Variants in STXBP5L observed in about 807,000 individuals in gnomAD.
The protein encoded by STXBP5L is syntaxin-binding protein 5-like.
Under a neutral mutation model 144.5 loss-of-function variants are expected in STXBP5L, and 65 were observed. That is an observed-to-expected ratio of 0.45 (90% CI 0.37 to 0.55). The LOEUF is 0.55. STXBP5L is among the 20% of genes least tolerant of loss of function. STXBP5L has a pLI of 0.00. For synonymous variants in STXBP5L, 505 were observed against 469.6 expected, an observed-to-expected ratio of 1.08 and a Z score of -0.97; for missense variants, 1,298 against 1,405.5, an observed-to-expected ratio of 0.92 and a Z score of 1.22.
intron 3 of STXBP5L, among the ~76,000 whole-genome samples, chr3:120,979,255 G>T (rs1941471080): frequency 6.6e-6 from 1 of 152,206 alleles, no homozygotes; most frequent in South Asian, 2.1e-4. Context: ...GCAATGGCAG[G>T]TGCCCCTCCC....
chr3:121,413,183 G>C lies in STXBP5L; in HGVS notation c.2974G>C (p.Asp992His). 1 of 1,601,164 alleles carries C rather than the reference G, an allele frequency of 6.2e-7. No individual in the cohort carries two copies. The highest frequency in any genetic ancestry group is 8.5e-7 in the Non-Finnish European group (1 of 1,175,338). ...MSLPSLRPML[D>H]VNYLPLTDMR... ...CCTACCTAGTCTTCGCCCAATGTTG[G>C]ATGTTAATTATTTGCCACTGACAGA... Residue 992 changes from aspartate to histidine, a missense_variant, in exon 24 of 27, where the codon GAT becomes CAT. Asp to His is a moderately conservative substitution (Grantham distance 81). Transcript: ENST00000471454.
At chr3:120,994,145 G>C (rs939890037) in intron 3 of STXBP5L, among the ~76,000 whole-genome samples, 3 of 150,434 alleles carry the variant, frequency 2.0e-5, no homozygotes, top group Non-Finnish European at 4.4e-5. Flanking sequence ...ATTTTTTTTT[G>C]TCCTGCAACT....
intron 5 of STXBP5L, among the ~76,000 whole-genome samples, chr3:121,078,670 G>T (rs1376223853): frequency 6.6e-6 from 1 of 151,928 alleles, no homozygotes; most frequent in Non-Finnish European, 1.5e-5. Context: ...TCTGAGCCCT[G>T]CCCCGCTGCA....
intron 5 of STXBP5L, 56 bp from the exon 6 acceptor site, chr3:121,114,869 T>G: frequency 7.9e-7 from 1 of 1,261,814 alleles, no homozygotes; most frequent in African/African-American, 1.5e-5. Flanking sequence ...AAGGAAAATA[T>G]AATGCTGACC....
intron 20 of STXBP5L, among the ~76,000 whole-genome samples, chr3:121,350,503 C>T (rs867411436): frequency 2.6e-5 from 4 of 152,040 alleles, no homozygotes; most frequent in African/African-American, 7.3e-5. Flanking sequence ...TGAATATTGG[C>T]CTGTCTTGCT....
intron 2 of STXBP5L, among the ~76,000 whole-genome samples, chr3:120,934,754 A>T (rs2107631615): frequency 6.6e-6 from 1 of 151,928 alleles, no homozygotes; most frequent in Non-Finnish European, 1.5e-5. Context: ...GTCCATCTTT[A>T]TCCTTGGTAT....
At chr3:121,415,744 T>A (rs933687477) in intron 24 of STXBP5L, 113 bp from the exon 25 acceptor site, 6 of 588,286 alleles carry the variant, frequency 1.0e-5, no homozygotes, top group Non-Finnish European at 1.4e-5. Context: ...TGAAAATATA[T>A]GAAAAGCAGA....
At chr3:121,338,816 G>A (rs890017412) in intron 20 of STXBP5L, among the ~76,000 whole-genome samples, 1 of 152,114 alleles carries the variant, frequency 6.6e-6, no homozygotes, top group Non-Finnish European at 1.5e-5. Flanking sequence ...ATAAATTCCT[G>A]GAAACATACC....
chr3:121,148,094 A>G (rs2045784257), intron 7 of STXBP5L, among the ~76,000 whole-genome samples: 2 of 152,110 alleles, frequency 1.3e-5, no homozygotes, highest in Admixed American at 1.3e-4. Flanking sequence ...CTCATAATAA[A>G]TATCTTTTTC....
At chr3:121,360,294 A>G (rs2045671866) in intron 20 of STXBP5L, among the ~76,000 whole-genome samples, 1 of 151,356 alleles carries the variant, frequency 6.6e-6, no homozygotes, top group South Asian at 2.1e-4. Flanking sequence ...ATGTGTCTTT[A>G]TAGGTGAAGT....
chr3:121,347,052 C>A lies in STXBP5L; in HGVS notation c.2176+28512C>A, dbSNP rs150178150. On this transcript the variant is annotated intron_variant, in intron 20 of 26. Coordinates refer to ENST00000471454, the MANE Select transcript of STXBP5L (RefSeq NM_001308330.2). ...CATGCCTATGTCCTGAATGGTATTG[C>A]CTAGGTTTTCTTTTAGGGTTTTTAT... Among the ~76,000 whole-genome samples the A allele has an allele frequency of 2.4e-3, 370 of 152,226 alleles. 9 individuals are homozygous for A. The East Asian group carries it at 0.061, about 25-fold the overall frequency.
intron 19 of STXBP5L, among the ~76,000 whole-genome samples, chr3:121,311,417 TCAC>T (rs1056763279): frequency 3.3e-5 from 5 of 152,346 alleles, no homozygotes; most frequent in African/African-American, 1.2e-4. Context: ...TCCAAATGTT[TCAC>T]AATGGAGGAA....
chr3:121,169,610 A>G (rs1447801724), intron 9 of STXBP5L, among the ~76,000 whole-genome samples: 1 of 152,240 alleles, frequency 6.6e-6, no homozygotes, highest in African/African-American at 2.4e-5. Flanking sequence ...AGGGCATTAC[A>G]TAATGGTAAA....
chr3:121,265,069 A>G (rs895878767), intron 18 of STXBP5L, among the ~76,000 whole-genome samples: 4 of 152,190 alleles, frequency 2.6e-5, no homozygotes, highest in African/African-American at 9.6e-5. Flanking sequence ...AATCAACAAG[A>G]CAGAAAATTA....
At chr3:121,305,327 A>C (rs1042447752) in intron 19 of STXBP5L, among the ~76,000 whole-genome samples, 2 of 152,186 alleles carry the variant, frequency 1.3e-5, no homozygotes, top group Non-Finnish European at 2.9e-5. Flanking sequence ...AAACCAGCAC[A>C]ATGTTGATAA....
chr3:120,914,381 C>T (rs76192551), intron 2 of STXBP5L, among the ~76,000 whole-genome samples: 2,943 of 152,122 alleles, frequency 0.019, 90 homozygotes, highest in African/African-American at 0.066. Flanking sequence ...TCAGAAACAA[C>T]ATGTAGTTAA....
At chr3:121,393,940 T>C (rs759588653) in intron 22 of STXBP5L, among the ~76,000 whole-genome samples, 5 of 152,204 alleles carry the variant, frequency 3.3e-5, no homozygotes, top group Non-Finnish European at 7.3e-5. Context: ...AATTTTAGAA[T>C]TATTTTTTCT....
chr3:121,387,861 C>T (rs1008100588), intron 22 of STXBP5L, among the ~76,000 whole-genome samples: 3 of 152,070 alleles, frequency 2.0e-5, no homozygotes, highest in Non-Finnish European at 2.9e-5. Context: ...GTTCTTTTTG[C>T]TTAGGATTGT....
At chr3:121,395,855 G>C (rs1212190740) in intron 22 of STXBP5L, among the ~76,000 whole-genome samples, 1 of 152,172 alleles carries the variant, frequency 6.6e-6, no homozygotes, top group East Asian at 1.9e-4. Flanking sequence ...GACAGGTGTT[G>C]CTTGTGACAG....
Sources: allele counts gnomAD v4.1 joint callset (sites outside exome capture counted in the v4.1 genomes callset), GRCh38; gene constraint gnomAD v4.1.1; transcripts MANE v1.5; gene names NCBI Gene and HGNC (gene_info 2026-07-23, HGNC 2026-07-21).